MAML2: variants seen among roughly 807,000 people sequenced by gnomAD.
MAML2 encodes mastermind-like protein 2.
Under a neutral mutation model 96.1 loss-of-function variants are expected in MAML2, and 22 were observed. The ratio of observed to expected loss-of-function variants is 0.23; its 90% CI spans 0.16 to 0.33. The LOEUF (loss-of-function observed/expected upper bound fraction) is 0.33. Ranked by LOEUF, MAML2 falls within the 10% of genes least tolerant of loss-of-function variation. The probability of loss-of-function intolerance (pLI) is 1.00; values close to 1 mark genes in which losing one functional copy is unlikely to be tolerated. For synonymous variants in MAML2, 561 were observed against 521.3 expected (o/e 1.08, Z -1.04); for missense variants, 1,367 against 1,392.4 (o/e 0.98, Z 0.29).
chr11:96,252,766 T>A (rs895872011), intron 1 of MAML2, among the ~76,000 whole-genome samples: 2 of 152,160 alleles, frequency 1.3e-5, no homozygotes, highest in African/African-American at 4.8e-5. Context: ...TGTAAACAGC[T>A]CACCTAGGTT....
chr11:96,233,473 T>C (rs138572841), intron 1 of MAML2, among the ~76,000 whole-genome samples: 2 of 151,916 alleles, frequency 1.3e-5, no homozygotes, highest in African/African-American at 2.4e-5. Context: ...AGTGGTGCAA[T>C]CATAGCTTAC....
intron 1 of MAML2, among the ~76,000 whole-genome samples, chr11:96,248,607 TCTC>T (rs1244067128): frequency 3.3e-5 from 5 of 152,106 alleles, no homozygotes; most frequent in Admixed American, 6.5e-5. Flanking sequence ...CTCCCTGCTT[TCTC>T]CTTTTTCATT....
chr11:96,007,039 T>G (rs1398988613), intron 2 of MAML2, among the ~76,000 whole-genome samples: 1 of 148,816 alleles, frequency 6.7e-6, no homozygotes, highest in Non-Finnish European at 1.5e-5. Context: ...AGTCTCACTC[T>G]GTCACCAGGC....
intron 1 of MAML2, among the ~76,000 whole-genome samples, chr11:96,149,596 G>T (rs2135875887): frequency 6.6e-6 from 1 of 152,068 alleles, no homozygotes; most frequent in East Asian, 1.9e-4. Context: ...GCCGGGCATG[G>T]TGGCATGTGC....
intron 1 of MAML2, among the ~76,000 whole-genome samples, chr11:96,185,747 G>T (rs1299774155): frequency 2.6e-5 from 4 of 152,208 alleles, no homozygotes; most frequent in African/African-American, 9.7e-5. Context: ...ATGGAGTCCA[G>T]ACTTGGGCTT....
chr11:96,076,570 G>A (rs1054643904), intron 2 of MAML2, among the ~76,000 whole-genome samples: 4 of 152,094 alleles, frequency 2.6e-5, no homozygotes, highest in Non-Finnish European at 4.4e-5. Context: ...GAATTTGGCA[G>A]GGAATCCCAT....
chr11:96,247,762 T>C (rs1862530269), intron 1 of MAML2, among the ~76,000 whole-genome samples: 1 of 152,128 alleles, frequency 6.6e-6, no homozygotes, highest in Non-Finnish European at 1.5e-5. Flanking sequence ...TTTTCCTCTC[T>C]CTTCTAAACC....
chr11:96,248,526 A>T (rs2135965250), intron 1 of MAML2, among the ~76,000 whole-genome samples: 1 of 152,090 alleles, frequency 6.6e-6, no homozygotes, highest in East Asian at 1.9e-4. Flanking sequence ...GTTACTGGAG[A>T]TGAAACTACC....
chr11:96,320,657 A>G (rs1356792185), intron 1 of MAML2, among the ~76,000 whole-genome samples: 1 of 152,204 alleles, frequency 6.6e-6, no homozygotes, highest in African/African-American at 2.4e-5. Flanking sequence ...CATTATTACT[A>G]TAAGAAGACA....
At chr11:96,310,982 C>G (rs1212019027) in intron 1 of MAML2, among the ~76,000 whole-genome samples, 1 of 152,152 alleles carries the variant, frequency 6.6e-6, no homozygotes, top group Non-Finnish European at 1.5e-5. Flanking sequence ...TCTAAGGAGT[C>G]CCAACTATGT....
At chr11:96,104,700 T>G (rs4753721) in intron 1 of MAML2, among the ~76,000 whole-genome samples, 1,708 of 152,282 alleles carry the variant, frequency 0.011, 92 homozygotes, top group Admixed American at 0.082. Context: ...GTAGTCATTC[T>G]CAGCCGTGCA....
intron 1 of MAML2, among the ~76,000 whole-genome samples, chr11:96,198,786 C>T (rs1489069255): frequency 6.6e-6 from 1 of 152,096 alleles, no homozygotes; most frequent in African/African-American, 2.4e-5. Flanking sequence ...TGGCTGGTCA[C>T]ATAACCACCC....
intron 2 of MAML2, among the ~76,000 whole-genome samples, chr11:96,070,706 A>C (rs955735776): frequency 6.6e-6 from 1 of 152,232 alleles, no homozygotes; most frequent in Admixed American, 6.5e-5. Flanking sequence ...CCAGGTCGGT[A>C]GTGTGAGCTG....
At chr11:96,062,542 C>G (rs2135780126) in intron 2 of MAML2, among the ~76,000 whole-genome samples, 1 of 152,278 alleles carries the variant, frequency 6.6e-6, no homozygotes, top group Middle Eastern at 3.4e-3. Context: ...GCAGAGTTTT[C>G]TCTCAAAGGG....
At chr11:96,200,706 T>G (rs1210852027) in intron 1 of MAML2, among the ~76,000 whole-genome samples, 1 of 152,136 alleles carries the variant, frequency 6.6e-6, no homozygotes, top group Non-Finnish European at 1.5e-5. Flanking sequence ...TCTGTAATAG[T>G]GCAAAGCATG....
chr11:96,025,772 A>G (rs1288265452), intron 2 of MAML2, among the ~76,000 whole-genome samples: 1 of 152,110 alleles, frequency 6.6e-6, no homozygotes, highest in African/African-American at 2.4e-5. Flanking sequence ...CATGTTGGCC[A>G]GGATCGTCTC....
At chr11:96,273,519 C>A (rs1271725458) in intron 1 of MAML2, among the ~76,000 whole-genome samples, 1 of 152,000 alleles carries the variant, frequency 6.6e-6, no homozygotes, top group Admixed American at 6.6e-5. Context: ...CATCCTTATC[C>A]TTGTTTATCT....
intron 1 of MAML2, among the ~76,000 whole-genome samples, chr11:96,157,519 C>T (rs945143824): frequency 2.0e-5 from 3 of 152,224 alleles, no homozygotes; most frequent in Non-Finnish European, 4.4e-5. Context: ...CTCTCCCCAC[C>T]ACCATTCTTG....
chr11:96,257,028 C>A (rs1028787735), intron 1 of MAML2, among the ~76,000 whole-genome samples: 2 of 152,206 alleles, frequency 1.3e-5, no homozygotes, highest in African/African-American at 4.8e-5. Context: ...CAGGGATTAC[C>A]TTGTAAAAAT....
Sources: allele counts gnomAD v4.1 joint callset (sites outside exome capture counted in the v4.1 genomes callset), GRCh38; gene constraint gnomAD v4.1.1; transcripts MANE v1.5; gene names NCBI Gene and HGNC (gene_info 2026-07-23, HGNC 2026-07-21).